The following SSH2 variants were observed in gnomAD, a reference collection of about 807,000 sequenced individuals.
SSH2 encodes the protein slingshot protein phosphatase 2.
In SSH2, 37 loss-of-function variants were observed where a neutral mutation model predicts 135.2. The observed-to-expected ratio is 0.27, with a 90% CI of 0.21 to 0.36. SSH2 has a LOEUF of 0.36. Ranked by LOEUF, SSH2 falls within the 10% of genes least tolerant of loss-of-function variation. The probability of loss-of-function intolerance (pLI) is 1.00; values close to 1 mark genes in which losing one functional copy is unlikely to be tolerated. For synonymous variants in SSH2, 628 were observed against 646.2 expected, an observed-to-expected ratio of 0.97 and a Z score of 0.43; for missense variants, 1,408 against 1,765.3, an observed-to-expected ratio of 0.80 and a Z score of 3.63.
Position 29,628,273 on chromosome 17 carries a change from A to T in SSH2, c.*2568T>A, listed in dbSNP as rs918833818. The T allele has an allele frequency of 1.3e-5, 2 of 152,208 alleles. No homozygotes were observed. The highest frequency in any genetic ancestry group is 2.4e-5 in the African/African-American group (1 of 41,458). 9.4% of individuals were successfully genotyped at this position (152,208 alleles called of 1,614,324 possible). On this transcript the variant is annotated 3_prime_UTR_variant, in exon 16 of 16. Transcript: ENST00000540801. ...TATTTAGGCAGGTAAATTAAATGAT[A>T]AAAAAAGTAATTATAAAAAGGCAGA...
At chr17:29,857,145 GT>G (rs1304254968) in intron 1 of SSH2, among the ~76,000 whole-genome samples, 1 of 152,106 alleles carries the variant, frequency 6.6e-6, no homozygotes, top group African/African-American at 2.4e-5. Flanking sequence ...GTATTAGTCT[GT>G]TTTCACGCTG....
Position 29,779,809 on chromosome 17 carries a change from T to TAAAAAAA in SSH2, c.188+14084_188+14085insTTTTTTT, listed in dbSNP as rs1567969193. On this transcript the variant is annotated intron_variant, in intron 3 of 15. Coordinates refer to ENST00000540801, the MANE Select transcript of SSH2 (RefSeq NM_001282129.2). ...CTGGGCGACAGAGTGAGACTCTGTC[T>TAAAAAAA]CAAAAAAAAAAAAAAAAAAAAAAAA... Among the ~76,000 whole-genome samples the TAAAAAAA allele has an allele frequency of 3.5e-3, 38 of 10,770 alleles. 1 individual carries two copies. Among genetic ancestry groups the TAAAAAAA allele is most frequent in the African/African-American group, 0.013 (35 of 2,726 alleles). 7.1% of individuals were successfully genotyped at this position (10,770 alleles called of 152,430 possible).
chr17:29,761,718 T>C (rs941645600), intron 3 of SSH2, among the ~76,000 whole-genome samples: 2 of 152,092 alleles, frequency 1.3e-5, no homozygotes, highest in African/African-American at 2.4e-5. Context: ...CTCTATACAT[T>C]GTACCTCAAA....
intron 1 of SSH2, among the ~76,000 whole-genome samples, chr17:29,908,763 GA>G (rs60242323): frequency 0.53 from 26,707 of 50,374 alleles, 5,437 homozygotes; most frequent in East Asian, 0.71. Context: ...GACTCCATCT[GA>G]AAAAAAAAAA....
At chr17:29,842,823 T>C (rs2043066077) in intron 2 of SSH2, among the ~76,000 whole-genome samples, 2 of 152,196 alleles carry the variant, frequency 1.3e-5, no homozygotes. Flanking sequence ...TTTCTGACGA[T>C]GGGCCCTAAC....
At chr17:29,866,638 C>T in intron 1 of SSH2, among the ~76,000 whole-genome samples, 2 of 152,228 alleles carry the variant, frequency 1.3e-5, no homozygotes, top group Middle Eastern at 3.4e-3. Context: ...AATATCAGGG[C>T]ACAAAAGAGA....
intron 1 of SSH2, among the ~76,000 whole-genome samples, chr17:29,852,048 A>G (rs9900730): frequency 0.49 from 73,685 of 151,730 alleles, 18,617 homozygotes; most frequent in East Asian, 0.69. Context: ...TTGGGAGGCC[A>G]AGGTGGGTGG....
intron 2 of SSH2, among the ~76,000 whole-genome samples, chr17:29,817,206 C>T (rs905082739): frequency 7.9e-5 from 12 of 152,118 alleles, no homozygotes; most frequent in African/African-American, 2.9e-4. Context: ...AAAACAATAT[C>T]CACTGTTTTT....
At chr17:29,771,707 G>A (rs1173376074) in intron 3 of SSH2, among the ~76,000 whole-genome samples, 1 of 152,156 alleles carries the variant, frequency 6.6e-6, no homozygotes, top group Non-Finnish European at 1.5e-5. Flanking sequence ...ACTTTCAGGA[G>A]CCAAAAGTTC....
intron 2 of SSH2, among the ~76,000 whole-genome samples, chr17:29,796,303 G>C (rs947009894): frequency 6.6e-6 from 1 of 151,904 alleles, no homozygotes; most frequent in Non-Finnish European, 1.5e-5. Flanking sequence ...ATCTTATAGC[G>C]AACTTGTATA....
chr17:29,655,657 C>A lies in SSH2; in HGVS notation c.1033-50G>T, dbSNP rs554011266. 8.2e-5 allele frequency: 125 copies of A among 1,532,226 alleles called. 4 individuals carry two copies. In the South Asian group the frequency reaches 1.3e-3, roughly 16 times the overall value. The allele number at this position is 1,532,226 out of a possible 1,614,324, so 94.9% of individuals were successfully genotyped here. On this transcript the variant is annotated intron_variant, in intron 11 of 15. Transcript: ENST00000540801. ...AAGGAGTATTAGCAAATCAACCAAA[C>A]AATACTTGAAAAGGAGCGAGAGAAG...
intron 3 of SSH2, among the ~76,000 whole-genome samples, chr17:29,756,824 T>A (rs2041145443): frequency 6.6e-6 from 1 of 151,986 alleles, no homozygotes; most frequent in African/African-American, 2.4e-5. Context: ...CTGGCTACTT[T>A]TTTTGTATTT....
chr17:29,822,010 A>C (rs984375036), intron 2 of SSH2, among the ~76,000 whole-genome samples: 3 of 152,234 alleles, frequency 2.0e-5, no homozygotes, highest in African/African-American at 7.2e-5. Context: ...TGGAAACATG[A>C]GCTAAACAGT....
intron 1 of SSH2, chr17:29,928,482 G>A (rs2067110311): frequency 7.5e-6 from 3 of 398,352 alleles, no homozygotes; most frequent in Non-Finnish European, 1.3e-5. Context: ...TTCCAGCAAT[G>A]TGCACTCACT....
intron 3 of SSH2, among the ~76,000 whole-genome samples, chr17:29,769,574 A>T (rs983639647): frequency 1.5e-4 from 23 of 152,300 alleles, no homozygotes; most frequent in African/African-American, 5.1e-4. Context: ...TTTACACAAC[A>T]TCCTACATGA....
intron 3 of SSH2, among the ~76,000 whole-genome samples, chr17:29,715,911 T>C (rs2039606940): frequency 6.6e-6 from 1 of 152,166 alleles, no homozygotes. Context: ...CTCCTACTCC[T>C]TTCCACTGTT....
At chr17:29,923,340 T>C (rs985663339) in intron 1 of SSH2, among the ~76,000 whole-genome samples, 4 of 152,112 alleles carry the variant, frequency 2.6e-5, no homozygotes, top group African/African-American at 9.7e-5. Context: ...AAAAAAGGGC[T>C]GGGTGTGGTG....
At chr17:29,877,451 A>C (rs1341296605) in intron 1 of SSH2, among the ~76,000 whole-genome samples, 1 of 152,240 alleles carries the variant, frequency 6.6e-6, no homozygotes, top group Non-Finnish European at 1.5e-5. Flanking sequence ...TGTCTACAAT[A>C]GCCAAGATCT....
intron 3 of SSH2, among the ~76,000 whole-genome samples, chr17:29,785,561 A>G (rs2041941307): frequency 7.9e-6 from 1 of 127,026 alleles, no homozygotes; most frequent in Non-Finnish European, 1.5e-5. Flanking sequence ...GTGCAGTGGT[A>G]CCATCTCTGC....
Sources: gnomAD v4.1 joint callset for allele counts (sites outside exome capture counted in the v4.1 genomes callset) on GRCh38, gnomAD v4.1.1 for gene constraint, MANE v1.5 for transcripts, NCBI Gene and HGNC (gene_info 2026-07-23, HGNC 2026-07-21) for gene names.